ADCY5: variants seen among roughly 807,000 people sequenced by gnomAD.
ADCY5 encodes the protein adenylate cyclase type 5.
In ADCY5, 30 loss-of-function variants were observed where a neutral mutation model predicts 119.7. The ratio of observed to expected loss-of-function variants is 0.25; its 90% confidence interval spans 0.19 to 0.34. ADCY5 has a LOEUF of 0.34. ADCY5 is among the 10% of genes least tolerant of loss of function. The pLI is 1.00. For synonymous variants in ADCY5, 753 were observed against 762.2 expected, an observed-to-expected ratio of 0.99 and a Z score of 0.20; for missense variants, 1,324 against 1,775.2, an observed-to-expected ratio of 0.75 and a Z score of 4.57.
chr3:123,297,502 C>A, intron 15 of ADCY5, 120 bp from the exon 16 acceptor site: 1 of 1,120,194 alleles, frequency 8.9e-7, no homozygotes, highest in Non-Finnish European at 1.4e-6. Context: ...CTTGGCTCCC[C>A]AGCCCCATTC....
At chr3:123,441,940 G>T (rs140418993) in intron 1 of ADCY5, among the ~76,000 whole-genome samples, 1 of 143,826 alleles carries the variant, frequency 7.0e-6, no homozygotes, top group Non-Finnish European at 1.5e-5. Flanking sequence ...TGTAAAGAGA[G>T]ATCTTCCCTG....
At chr3:123,301,789 T>C (rs1939866565) in intron 14 of ADCY5, among the ~76,000 whole-genome samples, 1 of 152,200 alleles carries the variant, frequency 6.6e-6, no homozygotes, top group South Asian at 2.1e-4. Flanking sequence ...GCTGAAGAGC[T>C]CCTGTGGGCT....
rs1482412902 is a variant in ADCY5 at position 123,283,630 on chromosome 3, A to AC, written c.*977dup. 2 of 152,272 alleles carry AC rather than the reference A, an allele frequency of 1.3e-5. No individual in the cohort carries two copies. Among genetic ancestry groups the AC allele is most frequent in the East Asian group, 3.9e-4 (2 of 5,190 alleles). The allele number at this position is 152,272 out of a possible 1,614,324, so 9.4% of individuals were successfully genotyped here. Reference sequence around the variant, plus strand: ...CTGCCAAATCTGAAATGAGGGAAACACATCCTGTGTGAGACCAGTTCCACA... The same window carrying AC: ...CTGCCAAATCTGAAATGAGGGAAACACCATCCTGTGTGAGACCAGTTCCACA... On this transcript the variant is annotated 3_prime_UTR_variant, in exon 21 of 21. Coordinates refer to ENST00000462833, the MANE Select transcript of ADCY5 (RefSeq NM_183357.3).
intron 1 of ADCY5, among the ~76,000 whole-genome samples, chr3:123,394,319 G>T (rs1439868814): frequency 1.3e-5 from 2 of 152,110 alleles, no homozygotes; most frequent in African/African-American, 4.8e-5. Flanking sequence ...TCCTTCTGGG[G>T]ATCTCATTGT....
chr3:123,341,899 T>C (rs1349216868), intron 3 of ADCY5, among the ~76,000 whole-genome samples: 1 of 152,108 alleles, frequency 6.6e-6, no homozygotes, highest in African/African-American at 2.4e-5. Context: ...TTTATATCTA[T>C]AACTGGTACG....
At chr3:123,396,819 C>CAGGCGAGA (rs1944604516) in intron 1 of ADCY5, among the ~76,000 whole-genome samples, 42 of 62,298 alleles carry the variant, frequency 6.7e-4, no homozygotes, top group African/African-American at 2.3e-3. Flanking sequence ...GGCAGGCAGG[C>CAGGCGAGA]GAGAGAGAGA....
At chr3:123,395,990 AAC>A (rs1419961462) in intron 1 of ADCY5, among the ~76,000 whole-genome samples, 68 of 90,276 alleles carry the variant, frequency 7.5e-4, no homozygotes, top group African/African-American at 2.5e-3. Flanking sequence ...GAAAGAAAGA[AAC>A]AGAAAGAAAG....
chr3:123,300,240 A>G lies in ADCY5; in HGVS notation c.2780T>C (p.Ile927Thr), dbSNP rs145879372. Reference protein sequence around the residue: ...SLLACSVFLQISCIGKLVLML... With the variant: ...SLLACSVFLQTSCIGKLVLML... ...GAGCACCAGCTTCCCGATGCAGCTG[A>G]TCTGCAGGAACACGGAGCAGGCCAG... Residue 927 changes from isoleucine (I) to threonine (T), a missense_variant, in exon 15 of 21, where the codon ATC (isoleucine) becomes ACC (threonine). Around this residue, in one of 6 missense-constraint regions of ADCY5, gnomAD observed 424 missense variants for 546.8 expected, o/e 0.78. Coordinates refer to ENST00000462833, the MANE Select transcript of ADCY5 (RefSeq NM_183357.3). 2.5e-6 allele frequency: 4 copies of G among 1,613,730 alleles called. No individual in the cohort carries two copies. Among genetic ancestry groups the G allele is most frequent in the South Asian group, 2.2e-5 (2 of 91,084 alleles).
intron 1 of ADCY5, among the ~76,000 whole-genome samples, chr3:123,369,127 G>A (rs562128168): frequency 6.6e-6 from 1 of 152,240 alleles, no homozygotes; most frequent in Admixed American, 6.5e-5. Flanking sequence ...AGTCATCAGG[G>A]TGGGGCCCCC....
At chr3:123,320,342 G>A (rs1226345347) in intron 9 of ADCY5, among the ~76,000 whole-genome samples, 2 of 152,226 alleles carry the variant, frequency 1.3e-5, no homozygotes, top group African/African-American at 4.8e-5. Context: ...TCAGGGTGGA[G>A]CCCAGTCCTG....
intron 1 of ADCY5, among the ~76,000 whole-genome samples, chr3:123,406,349 C>T (rs1021382103): frequency 1.2e-4 from 19 of 152,236 alleles, no homozygotes; most frequent in Admixed American, 1.0e-3. Context: ...CCCCGTGTGG[C>T]CCCCGCATGG....
intron 18 of ADCY5, among the ~76,000 whole-genome samples, chr3:123,290,858 G>T (rs1383222782): frequency 3.9e-5 from 6 of 152,216 alleles, no homozygotes; most frequent in African/African-American, 1.4e-4. Flanking sequence ...TATTGGCAGT[G>T]ACCTCAGGCC....
Position 123,448,220 on chromosome 3 carries a change from T to A in ADCY5, c.326A>T (p.Asp109Val), listed in dbSNP as rs1373192640. ...SKSAWQERGG[D>V]DCGRGSRRQR... ...CCGGCGGCTGCCGCGACCGCAGTCG[T>A]CGCCGCCGCGCTCCTGCCAGGCGGA... is the stretch of plus-strand genomic sequence containing the variant. Residue 109 changes from aspartate (D) to valine (V), a missense_variant, in exon 1 of 21, where the codon GAC (aspartate) becomes GTC (valine). Asp to Val is a radical substitution (Grantham distance 152). Coordinates refer to ENST00000462833, the MANE Select transcript of ADCY5 (RefSeq NM_183357.3). The A allele has an allele frequency of 1.5e-6, 2 of 1,333,488 alleles. No homozygotes were observed. The highest frequency in any genetic ancestry group is 3.1e-5 in the African/African-American group (2 of 65,382). 82.6% of individuals were successfully genotyped at this position (1,333,488 alleles called of 1,614,324 possible). A position where few individuals can be genotyped will look rare whatever the true frequency, so the allele number is the denominator to read the frequency against.
rs78919930 is a variant in ADCY5, at chr3:123,304,261, G to A, written c.2443-78C>T. The A allele has an allele frequency of 1.0e-3, 982 of 979,894 alleles. 4 individuals are homozygous for A. In the African/African-American group the frequency reaches 0.012, roughly 12 times the overall value. The allele number at this position is 979,894 out of a possible 1,614,324, so 60.7% of individuals were successfully genotyped here. On this transcript the variant is annotated intron_variant, in intron 12 of 20. Transcript: ENST00000462833. ...CAGCAAGGACTCCACAAATGGTCCC[G>A]GGAGTGCAGTGGACCCACCTGTGTC...
intron 1 of ADCY5, among the ~76,000 whole-genome samples, chr3:123,383,957 CGT>C (rs1186246609): frequency 1.9e-5 from 2 of 105,368 alleles, no homozygotes; most frequent in African/African-American, 4.1e-5. Flanking sequence ...CTGCAAGGCA[CGT>C]GCGCGCGCGC....
chr3:123,335,430 G>A (rs1045695430), intron 3 of ADCY5, among the ~76,000 whole-genome samples: 2 of 152,074 alleles, frequency 1.3e-5, no homozygotes, highest in Non-Finnish European at 2.9e-5. Context: ...ATATTAACTC[G>A]TTCGCACCTC....
At chr3:123,302,947 T>C (rs142852113) in intron 14 of ADCY5, 108 bp downstream of exon 14, 14 of 1,335,354 alleles carry the variant, frequency 1.0e-5, no homozygotes, top group South Asian at 9.5e-5. Context: ...TAGAAGACAG[T>C]GAGCTGGTGA....
chr3:123,362,012 C>T (rs1943264563), intron 1 of ADCY5, among the ~76,000 whole-genome samples: 1 of 152,162 alleles, frequency 6.6e-6, no homozygotes, highest in Admixed American at 6.5e-5. Context: ...GTTCCTTTTA[C>T]AGCTAAATAA....
intron 1 of ADCY5, among the ~76,000 whole-genome samples, chr3:123,389,475 T>A (rs1208053566): frequency 6.7e-6 from 1 of 150,162 alleles, no homozygotes; most frequent in East Asian, 2.1e-4. Flanking sequence ...AGGGTCCATT[T>A]GTACAGGGAG....
Sources: allele counts gnomAD v4.1 joint callset (sites outside exome capture counted in the v4.1 genomes callset), GRCh38; gene constraint gnomAD v4.1.1; regional missense constraint gnomAD v4.1.1; transcripts MANE v1.5; gene names NCBI Gene and HGNC (gene_info 2026-07-23, HGNC 2026-07-21).